Variants in APOBEC3F observed in about 807,000 individuals in gnomAD.
The protein encoded by APOBEC3F is apolipoprotein B mRNA editing enzyme catalytic subunit 3F, also known as DNA dC->dU-editing enzyme APOBEC-3F.
Under a neutral mutation model 45.8 loss-of-function variants are expected in APOBEC3F, and 34 were observed. The ratio of observed to expected loss-of-function variants is 0.74; its 90% CI spans 0.57 to 0.99. APOBEC3F has a LOEUF of 0.99. APOBEC3F is among the 50% of genes least tolerant of loss of function. The pLI, the probability that APOBEC3F is intolerant of heterozygous loss-of-function variation, is 0.00. For missense variants in APOBEC3F, 459 were observed against 474.1 expected, an observed-to-expected ratio of 0.97 and a Z score of 0.30; for synonymous variants, 192 against 174.4, an observed-to-expected ratio of 1.10 and a Z score of -0.80.
Position 39,052,986 on chromosome 22 carries a change from ATATTT to A in APOBEC3F, c.*293_*297del. The A allele has an allele frequency of 1.5e-5, 4 of 266,394 alleles. No individual in the cohort carries two copies. Among genetic ancestry groups the A allele is most frequent in the Non-Finnish European group, 2.5e-5 (4 of 160,358 alleles). 16.5% of individuals were successfully genotyped at this position (266,394 alleles called of 1,614,324 possible). A position where few individuals can be genotyped will look rare whatever the true frequency, so the allele number is the denominator to read the frequency against. Reference sequence around the variant, plus strand: ...TTTCCCATCTCCCCAGCATAACCTAATATTTTTTTTTTTTTTTTGAGACGGAATTT... The same window carrying A: ...TTTCCCATCTCCCCAGCATAACCTAATTTTTTTTTTTTTGAGACGGAATTT... On this transcript the variant is annotated 3_prime_UTR_variant, in exon 7 of 7. Coordinates refer to ENST00000308521, the MANE Select transcript of APOBEC3F (RefSeq NM_145298.6).
In APOBEC3F at chr22:39,042,916, G is replaced by A. The variant is rs1166867904; in HGVS notation, c.18-21G>A. The A allele has an allele frequency of 3.1e-6, 5 of 1,613,114 alleles. No individual in the cohort carries two copies. In the East Asian group the frequency reaches 1.1e-4, roughly 36 times the overall value. ...CCGGGAGCGCTCTCTACATTGGCTG[G>A]TTTCTCTCTTGTGTCTTCAGAAACA... is the stretch of plus-strand genomic sequence containing the variant. On this transcript the variant is annotated intron_variant, in intron 1 of 6. Coordinates refer to ENST00000308521, the MANE Select transcript of APOBEC3F (RefSeq NM_145298.6).
At position 39,052,880 on chromosome 22, in the gene APOBEC3F, A is replaced by G. The variant is rs1017578293; in HGVS notation, c.*185A>G. On this transcript the variant is annotated 3_prime_UTR_variant, in exon 7 of 7. Transcript: ENST00000308521. ...CTCCGCTCTCCCAGGCTCTTCCTGC[A>G]GAGGCCTCTTTCTGCCTCCATGGCT... 8.9e-6 allele frequency: 12 copies of G among 1,342,076 alleles called. No homozygotes were observed. The African/African-American group carries it at 1.8e-4, about 20-fold the overall frequency. 83.1% of individuals were successfully genotyped at this position (1,342,076 alleles called of 1,614,324 possible).
rs1231683015 is a variant in APOBEC3F at position 39,040,967 on chromosome 22, C to A, written c.7C>A (p.Pro3Thr). Residue 3 changes from proline to threonine, a missense_variant, in exon 1 of 7, where the codon CCT (proline) becomes ACT (threonine). Physicochemically the swap from Pro to Thr is conservative, Grantham distance 38. Transcript: ENST00000308521. ...CGGGACTAGCCGGCCAAGGATGAAGCCTCACTTCAGGTACCGCTGCCCGCT... is the reference window on the plus strand; with the variant it reads ...CGGGACTAGCCGGCCAAGGATGAAGACTCACTTCAGGTACCGCTGCCCGCT... MK[P>T]HFRNTVERMY... is the part of the protein sequence containing the mutation. The A allele has an allele frequency of 1.9e-6, 3 of 1,583,760 alleles. No homozygotes were observed. Among genetic ancestry groups the A allele is most frequent in the Non-Finnish European group, 2.6e-6 (3 of 1,164,720 alleles).
Position 39,052,631 on chromosome 22 carries a change from C to A in APOBEC3F, c.1058C>A (p.Pro353His). 6.2e-7 allele frequency: 1 copy of A among 1,613,996 alleles called. No homozygotes were observed. The highest frequency in any genetic ancestry group is 8.5e-7 in the Non-Finnish European group (1 of 1,179,952). The change falls in exon 7 of 7, where the codon CCT becomes CAT. Residue 353 changes from proline to histidine, a missense_variant. Pro to His is a moderately conservative substitution (Grantham distance 77, BLOSUM62 -2). Transcript: ENST00000308521. ...FVYNDDEPFK[P>H]WKGLKYNFLF... The stretch of plus-strand genomic sequence containing the variant: ...TACAATGATGATGAGCCATTCAAGC[C>A]TTGGAAAGGACTAAAATACAACTTT...
Position 39,052,642 on chromosome 22 carries a change from CT to C in APOBEC3F, c.1070del (p.Leu357GlnfsTer113). On this transcript the variant is annotated frameshift_variant, in exon 7 of 7. Transcript: ENST00000308521. LOFTEE classifies it low-confidence loss of function (END_TRUNC). ...TGAGCCATTCAAGCCTTGGAAAGGA[CT>C]AAAATACAACTTTCTATTCCTGGAC... ...DDEPFKPWKG[L>X]KYNFLFLDSK... 6.2e-7 allele frequency: 1 copy of C among 1,614,120 alleles called. No homozygotes were observed. Among genetic ancestry groups the C allele is most frequent in the Non-Finnish European group, 8.5e-7 (1 of 1,180,004 alleles).
intron 2 of APOBEC3F, chr22:39,043,971 G>T: frequency 7.1e-7 from 1 of 1,405,596 alleles, no homozygotes. Flanking sequence ...GTTGTAGTGA[G>T]CCGAGATTGC....
chr22:39,045,322 G>A, intron 3 of APOBEC3F, 102 bp downstream of exon 3: 2 of 1,600,648 alleles, frequency 1.2e-6, no homozygotes, highest in Non-Finnish European at 1.7e-6. Context: ...GCAGCCTGCA[G>A]GGGCGGGGCC....
At position 39,055,846 on chromosome 22, in the gene APOBEC3F, C is replaced by T. The variant is rs1376098892; in HGVS notation, c.*3151C>T. On this transcript the variant is annotated 3_prime_UTR_variant, in exon 7 of 7. Coordinates refer to ENST00000308521, the MANE Select transcript of APOBEC3F (RefSeq NM_145298.6). Reference sequence around the variant, plus strand: ...CCCACGCTTGCACAATCTATCACGACCCTTTCACGTGGACCCCTTAGAATT... The same window carrying T: ...CCCACGCTTGCACAATCTATCACGATCCTTTCACGTGGACCCCTTAGAATT... Among the ~76,000 whole-genome samples, 1 of 152,154 alleles carries T rather than the reference C, an allele frequency of 6.6e-6. No individual in the cohort carries two copies. The highest frequency in any genetic ancestry group is 6.5e-5 in the Admixed American group (1 of 15,278).
chr22:39,043,902 GTA>G (rs1429046780), intron 2 of APOBEC3F, among the ~76,000 whole-genome samples: 1 of 152,006 alleles, frequency 6.6e-6, no homozygotes, highest in African/African-American at 2.4e-5. Context: ...GCAGTCGCCT[GTA>G]ATCCCAGCTA....
intron 5 of APOBEC3F, among the ~76,000 whole-genome samples, chr22:39,050,916 T>C (rs1927453752): frequency 6.6e-6 from 1 of 152,032 alleles, no homozygotes; most frequent in African/African-American, 2.4e-5. Context: ...ACATGACCTA[T>C]GATGAGACAG....
intron 4 of APOBEC3F, 43 bp from the exon 5 acceptor site, chr22:39,049,367 TCAGCTCCGAGGAATC>T (rs1927370903): frequency 6.3e-7 from 1 of 1,585,426 alleles, no homozygotes; most frequent in Non-Finnish European, 8.6e-7. Flanking sequence ...TCAGTGGGCA[TCAGCTCCGAGGAATC>T]CAGGGGGGTC....
At chr22:39,041,050 C>T in intron 1 of APOBEC3F, 73 bp downstream of exon 1, 7 of 1,550,066 alleles carry the variant, frequency 4.5e-6, no homozygotes, top group Non-Finnish European at 6.1e-6. Context: ...TGGGCGTCAG[C>T]CCTGGCCTCC....
rs1927171283 is a variant in APOBEC3F, at chr22:39,045,510, A to G, written c.534A>G (p.Ala178=). ...GGTACAAATTCGATGACAATTATGC[A>G]TTCCTGCACCGCACGCTAAAGGAGA... ...MPWYKFDDNY[A]FLHRTLKEIL... Residue 178 remains alanine (A), a synonymous_variant, in exon 4 of 7, where the codon GCA becomes GCG. Coordinates refer to ENST00000308521, the MANE Select transcript of APOBEC3F (RefSeq NM_145298.6). The G allele has an allele frequency of 1.2e-6, 2 of 1,614,160 alleles. No individual in the cohort carries two copies. Among genetic ancestry groups the G allele is most frequent in the Non-Finnish European group, 1.7e-6 (2 of 1,180,018 alleles).
chr22:39,046,579 CCAAA>C (rs1187982327), intron 4 of APOBEC3F, among the ~76,000 whole-genome samples: 1 of 152,114 alleles, frequency 6.6e-6, no homozygotes, highest in Non-Finnish European at 1.5e-5. Flanking sequence ...GCAGAAAGAG[CCAAA>C]CAAACACTCA....
At chr22:39,044,199 G>A (rs1473119864) in intron 2 of APOBEC3F, 1 of 1,610,504 alleles carries the variant, frequency 6.2e-7, no homozygotes, top group Non-Finnish European at 8.5e-7. Flanking sequence ...CCGCAGGCAG[G>A]GAACAAGGCA....
rs367844128 is a variant in APOBEC3F, at chr22:39,045,568, G to A, written c.566+26G>A. On this transcript the variant is annotated intron_variant, in intron 4 of 6. Coordinates refer to ENST00000308521, the MANE Select transcript of APOBEC3F (RefSeq NM_145298.6). ...GTGAGGGTCTCCCTCTGGCCTCATCGTCTGTCTCCTCTCGCCTCCTGCTCA... is the reference window on the plus strand; with the variant it reads ...GTGAGGGTCTCCCTCTGGCCTCATCATCTGTCTCCTCTCGCCTCCTGCTCA... 1.4e-5 allele frequency: 23 copies of A among 1,613,630 alleles called. No homozygotes were observed. The South Asian group carries it at 1.8e-4, about 12-fold the overall frequency.
In APOBEC3F at chr22:39,054,523, C is replaced by G. The variant is rs1985760; in HGVS notation, c.*1828C>G. Among the ~76,000 whole-genome samples the G allele has an allele frequency of 0.45, 68,356 of 152,032 alleles. 16,847 individuals are homozygous for G. The highest frequency in any genetic ancestry group is 0.68 in the East Asian group (3,535 of 5,174). Reference sequence around the variant, plus strand: ...GGGATTACAGGCGTGAGCCACCTGGCCAGGCTTAGGCTGGTCTTAAACTCC... The same window carrying G: ...GGGATTACAGGCGTGAGCCACCTGGGCAGGCTTAGGCTGGTCTTAAACTCC... On this transcript the variant is annotated 3_prime_UTR_variant, in exon 7 of 7. Coordinates refer to ENST00000308521, the MANE Select transcript of APOBEC3F (RefSeq NM_145298.6).
intron 3 of APOBEC3F, 101 bp from the exon 4 acceptor site, chr22:39,045,327 G>C: frequency 1.2e-6 from 2 of 1,602,496 alleles, no homozygotes; most frequent in Non-Finnish European, 1.7e-6. Flanking sequence ...CTGCAGGGGC[G>C]GGGCCAGCAC....
In APOBEC3F at chr22:39,052,447, G is replaced by T. The variant is rs561510947; in HGVS notation, c.1003+94G>T. ...TGCCGTGGGGCGGGGCAGTGTCCCGGGAAGCCTGCAGGGATGGCGCCAGTG... is the reference window on the plus strand; with the variant it reads ...TGCCGTGGGGCGGGGCAGTGTCCCGTGAAGCCTGCAGGGATGGCGCCAGTG... On this transcript the variant is annotated intron_variant, in intron 6 of 6. Transcript: ENST00000308521. The T allele has an allele frequency of 3.6e-5, 57 of 1,578,912 alleles. No homozygotes were observed. In the South Asian group the frequency reaches 6.3e-4, roughly 17 times the overall value.
Sources: gnomAD v4.1 joint callset for allele counts (sites outside exome capture counted in the v4.1 genomes callset) on GRCh38, gnomAD v4.1.1 for gene constraint, MANE v1.5 for transcripts, NCBI Gene and HGNC (gene_info 2026-07-23, HGNC 2026-07-21) for gene names.